NUDT4: variants seen among roughly 807,000 people sequenced by gnomAD.
NUDT4 encodes the protein diphosphoinositol polyphosphate phosphohydrolase 2.
In NUDT4, 5 loss-of-function variants were observed where a neutral mutation model predicts 23.1. The observed-to-expected ratio is 0.22, with a 90% CI of 0.11 to 0.46. The LOEUF (loss-of-function observed/expected upper bound fraction) is 0.46. NUDT4 is among the 20% of genes least tolerant of loss of function. NUDT4 has a pLI of 0.99. For missense variants in NUDT4, 96 were observed against 211.6 expected (o/e 0.45, Z 3.39); for synonymous variants, 50 against 79.0 (o/e 0.63, Z 1.95).
intron 1 of NUDT4, among the ~76,000 whole-genome samples, chr12:93,393,531 A>C (rs1000036192): frequency 6.6e-6 from 1 of 152,190 alleles, no homozygotes; most frequent in African/African-American, 2.4e-5. Context: ...CTGTTGCATC[A>C]TTAAAACAAC....
chr12:93,407,923 A>T lies in NUDT4; in HGVS notation c.*8544A>T, dbSNP rs2121047011. The T allele has an allele frequency of 6.6e-6, 1 of 152,358 alleles. No individual in the cohort carries two copies. The highest frequency in any genetic ancestry group is 1.9e-4 in the East Asian group (1 of 5,190). 9.4% of individuals were successfully genotyped at this position (152,358 alleles called of 1,614,324 possible). A position where few individuals can be genotyped will look rare whatever the true frequency, so the allele number is the denominator to read the frequency against. On this transcript the variant is annotated 3_prime_UTR_variant, in exon 5 of 5. Transcript: ENST00000415493. ...AGTCTTACCAAAACTGCAAAGGAAA[A>T]AAATATGATACCATGAAATTAGAAA...
rs145125181 is a variant in NUDT4, at chr12:93,385,455, A to G, written c.99+7034A>G. 5.3e-5 allele frequency among the ~76,000 whole-genome samples: 8 copies of G among 152,318 alleles called. No individual in the cohort carries two copies. The East Asian group carries it at 5.8e-4, about 11-fold the overall frequency. ...TCTTCCTTCATCTCTGTCATCGCTA[A>G]TGTAACAGACCAGTATCTTGATGGA... On this transcript the variant is annotated intron_variant, in intron 1 of 4. Coordinates refer to ENST00000415493, the MANE Select transcript of NUDT4 (RefSeq NM_019094.6).
chr12:93,395,281 C>T (rs1565782230), intron 2 of NUDT4, among the ~76,000 whole-genome samples: 2 of 152,166 alleles, frequency 1.3e-5, no homozygotes, highest in South Asian at 4.1e-4. Flanking sequence ...CCACAGCGCC[C>T]AGCCAGAAAT....
intron 1 of NUDT4, chr12:93,378,805 A>G (rs939849961): frequency 9.0e-6 from 9 of 999,230 alleles, no homozygotes; most frequent in East Asian, 1.0e-4. Context: ...GTGTTGCAGC[A>G]GAGCCCTTGT....
intron 1 of NUDT4, chr12:93,378,658 A>T: frequency 8.4e-7 from 1 of 1,188,622 alleles, no homozygotes; most frequent in Non-Finnish European, 1.0e-6. Context: ...TGGGCACTCG[A>T]GAAGGCGCCT....
rs1258621016 is a variant in NUDT4, at chr12:93,400,220, A to C, written c.*841A>C. 2 of 151,996 alleles carry C rather than the reference A, an allele frequency of 1.3e-5. No individual in the cohort carries two copies. The highest frequency in any genetic ancestry group is 2.9e-5 in the Non-Finnish European group (2 of 68,012). The allele number at this position is 151,996 out of a possible 1,614,324, so 9.4% of individuals were successfully genotyped here. A position where few individuals can be genotyped will look rare whatever the true frequency, so the allele number is the denominator to read the frequency against. On this transcript the variant is annotated 3_prime_UTR_variant, in exon 5 of 5. Transcript: ENST00000415493. Reference sequence around the variant, plus strand: ...ATACCTTAGAACCGTTATTTCCCTCAGTGTAGATTGCTCTTAAAATGTATT... The same window carrying C: ...ATACCTTAGAACCGTTATTTCCCTCCGTGTAGATTGCTCTTAAAATGTATT...
intron 1 of NUDT4, among the ~76,000 whole-genome samples, chr12:93,392,242 T>TCCC (rs1565780438): frequency 3.4e-5 from 4 of 116,062 alleles, no homozygotes; most frequent in African/African-American, 1.4e-4. Flanking sequence ...ATTCCTTTGT[T>TCCC]TCCCCCCCCC....
chr12:93,394,666 A>G lies in NUDT4; in HGVS notation c.157A>G (p.Met53Val). ...PDQWIVPGGG[M>V]EPEEEPGGAA... ...CCAGTGGATTGTCCCAGGAGGAGGA[A>G]TGGAACCCGAGGAGGAACCTGGCGG... The change falls in exon 2 of 5, where the codon ATG becomes GTG. Residue 53 changes from methionine (M) to valine (V), a missense_variant. By Grantham distance (21) the Met-to-Val change is conservative. Transcript: ENST00000415493. The G allele has an allele frequency of 6.4e-7, 1 of 1,555,998 alleles. No homozygotes were observed. Among genetic ancestry groups the G allele is most frequent in the South Asian group, 1.2e-5 (1 of 84,232 alleles).
chr12:93,399,565 AATAAGC>A lies in NUDT4; in HGVS notation c.*187_*192del. ...TTAAAAAAATAGTGTAAAATATTTT[AATAAGC>A]CAAAGCCATGTGGAATTTTTGTTTA... On this transcript the variant is annotated 3_prime_UTR_variant, in exon 5 of 5. Transcript: ENST00000415493. The A allele has an allele frequency of 3.1e-6, 1 of 326,200 alleles. No individual in the cohort carries two copies. Among genetic ancestry groups the A allele is most frequent in the Non-Finnish European group, 5.5e-6 (1 of 183,290 alleles). 20.2% of individuals were successfully genotyped at this position (326,200 alleles called of 1,614,324 possible).
In NUDT4 at chr12:93,406,354, C is replaced by T. The variant is rs1014716368; in HGVS notation, c.*6975C>T. The T allele has an allele frequency of 2.0e-5, 3 of 147,710 alleles. No individual in the cohort carries two copies. Among genetic ancestry groups the T allele is most frequent in the Non-Finnish European group, 4.4e-5 (3 of 67,422 alleles). 9.1% of individuals were successfully genotyped at this position (147,710 alleles called of 1,614,324 possible). A position where few individuals can be genotyped will look rare whatever the true frequency, so the allele number is the denominator to read the frequency against. On this transcript the variant is annotated 3_prime_UTR_variant, in exon 5 of 5. Coordinates refer to ENST00000415493, the MANE Select transcript of NUDT4 (RefSeq NM_019094.6). ...AAATGAGGCCTATTCCTATCATTTCCTCGATCCAATTTAGTTCCACTTAGG... is the reference window on the plus strand; with the variant it reads ...AAATGAGGCCTATTCCTATCATTTCTTCGATCCAATTTAGTTCCACTTAGG...
intron 1 of NUDT4, among the ~76,000 whole-genome samples, chr12:93,385,970 T>TATATATATATATATATATATACAC (rs1243696865): frequency 8.4e-6 from 1 of 118,624 alleles, no homozygotes; most frequent in Non-Finnish European, 1.8e-5. Flanking sequence ...TATATATATA[T>TATATATATATATATATATATACAC]ACATAATTTT....
intron 3 of NUDT4, among the ~76,000 whole-genome samples, chr12:93,397,507 T>C (rs550955082): frequency 6.6e-6 from 1 of 151,104 alleles, no homozygotes; most frequent in Non-Finnish European, 1.5e-5. Context: ...AGAAACAAGC[T>C]CAGTTGCCTG....
chr12:93,389,395 C>T (rs568401358), intron 1 of NUDT4, among the ~76,000 whole-genome samples: 4 of 151,174 alleles, frequency 2.6e-5, no homozygotes, highest in South Asian at 2.1e-4. Context: ...TCGCTTGAAC[C>T]GGGGAGGCGG....
chr12:93,383,789 G>C (rs558989716), intron 1 of NUDT4, among the ~76,000 whole-genome samples: 1 of 152,150 alleles, frequency 6.6e-6, no homozygotes, highest in East Asian at 1.9e-4. Context: ...CTGAGATTGC[G>C]CCACTGCACT....
chr12:93,393,675 G>C (rs1351427746), intron 1 of NUDT4, among the ~76,000 whole-genome samples: 1 of 152,176 alleles, frequency 6.6e-6, no homozygotes, highest in Non-Finnish European at 1.5e-5. Flanking sequence ...GTGAGCTGCA[G>C]ACTGCCAGTC....
At chr12:93,395,628 T>C in intron 3 of NUDT4, 95 bp downstream of exon 3, 3 of 1,006,900 alleles carry the variant, frequency 3.0e-6, no homozygotes, top group Non-Finnish European at 4.7e-6. Flanking sequence ...AACCAGACAT[T>C]TCTCTCAGAC....
intron 4 of NUDT4, 127 bp downstream of exon 4, chr12:93,398,982 C>A (rs943549547): frequency 1.2e-6 from 1 of 825,056 alleles, no homozygotes; most frequent in Non-Finnish European, 1.9e-6. Flanking sequence ...CAGTTTCCAT[C>A]CTAGATTTTT....
At chr12:93,383,299 C>T (rs1875825915) in intron 1 of NUDT4, among the ~76,000 whole-genome samples, 1 of 152,058 alleles carries the variant, frequency 6.6e-6, no homozygotes, top group South Asian at 2.1e-4. Context: ...TGCCTCTGGT[C>T]CAAAAAGAAG....
Position 93,400,607 on chromosome 12 carries a change from G to A in NUDT4, c.*1228G>A, listed in dbSNP as rs1247426541. The A allele has an allele frequency of 6.6e-6, 1 of 151,140 alleles. No homozygotes were observed. The highest frequency in any genetic ancestry group is 1.5e-5 in the Non-Finnish European group (1 of 67,736). The allele number at this position is 151,140 out of a possible 1,614,324, so 9.4% of individuals were successfully genotyped here. A position where few individuals can be genotyped will look rare whatever the true frequency, so the allele number is the denominator to read the frequency against. On this transcript the variant is annotated 3_prime_UTR_variant, in exon 5 of 5. Coordinates refer to ENST00000415493, the MANE Select transcript of NUDT4 (RefSeq NM_019094.6). ...AGTTTGACTAAAATGAGGGATGGGG[G>A]AAAGTAAAAGATGTTTTTTTTTTTT...
Sources: gnomAD v4.1 joint callset for allele counts (sites outside exome capture counted in the v4.1 genomes callset) on GRCh38, gnomAD v4.1.1 for gene constraint, MANE v1.5 for transcripts, NCBI Gene and HGNC (gene_info 2026-07-23, HGNC 2026-07-21) for gene names.